Variants in HYDIN observed in about 807,000 individuals in gnomAD.
The protein encoded by HYDIN is axonemal central pair apparatus protein HYDIN.
HYDIN carries 132 observed loss-of-function variants against 403.9 expected under a neutral mutation model. The observed-to-expected ratio is 0.33, with a 90% CI of 0.28 to 0.38. The LOEUF is 0.38. HYDIN is among the 10% of genes least tolerant of loss of function. The probability of loss-of-function intolerance (pLI) is 1.00; values close to 1 mark genes in which losing one functional copy is unlikely to be tolerated. For missense variants in HYDIN, 2,827 were observed against 5,009.5 expected, an observed-to-expected ratio of 0.56 and a Z score of 13.15; for synonymous variants, 1,202 against 1,891.7, an observed-to-expected ratio of 0.64 and a Z score of 9.46.
At chr16:70,996,350 G>C (rs754611967) in intron 23 of HYDIN, among the ~76,000 whole-genome samples, 15 of 152,176 alleles carry the variant, frequency 9.9e-5, no homozygotes, top group Non-Finnish European at 2.2e-4. Context: ...AAGGAGCTAA[G>C]AGGCCAGTGG....
intron 30 of HYDIN, among the ~76,000 whole-genome samples, chr16:70,976,804 A>G (rs1030733131): frequency 6.6e-6 from 1 of 152,248 alleles, no homozygotes; most frequent in Non-Finnish European, 1.5e-5. Flanking sequence ...GGGAGTGATA[A>G]TGGAAAAGGT....
intron 21 of HYDIN, among the ~76,000 whole-genome samples, chr16:71,022,267 A>T (rs1311205498): frequency 6.6e-6 from 1 of 152,200 alleles, no homozygotes; most frequent in Admixed American, 6.5e-5. Flanking sequence ...AAGCACAGAG[A>T]GGCCATTCTA....
intron 18 of HYDIN, among the ~76,000 whole-genome samples, chr16:71,033,992 G>A (rs964831): frequency 1.3e-5 from 2 of 152,262 alleles, no homozygotes; most frequent in East Asian, 1.9e-4. Flanking sequence ...GGATAATAAC[G>A]GAGAGGAAAA....
rs778386833 is a variant in HYDIN at position 70,833,878 on chromosome 16, C to T, written c.13679+9G>A. ...GGCAGCCTCAGGGTGGGAGACACTG[C>T]TCCCTTACCTTGCACCCACATCGCC... On this transcript the variant is annotated intron_variant, in intron 79 of 85. Coordinates refer to ENST00000393567, the MANE Select transcript of HYDIN (RefSeq NM_001270974.2). 3.1e-6 allele frequency: 5 copies of T among 1,605,160 alleles called. No homozygotes were observed. The highest frequency in any genetic ancestry group is 3.4e-5 in the Admixed American group (2 of 59,140).
intron 28 of HYDIN, among the ~76,000 whole-genome samples, chr16:70,981,930 T>C (rs1283943952): frequency 6.6e-6 from 1 of 151,938 alleles, no homozygotes; most frequent in African/African-American, 2.4e-5. Flanking sequence ...AGATCGAGAC[T>C]ATCCTGGCTA....
chr16:71,108,283 G>A lies in HYDIN; in HGVS notation c.1327+7413C>T, dbSNP rs527302011. On this transcript the variant is annotated intron_variant, in intron 10 of 85. Transcript: ENST00000393567. The stretch of plus-strand genomic sequence containing the variant: ...AAAACAAAACTGCACACGTACCCCT[G>A]AACCTAAAAGTTAATTTTTTGTTTA... Among the ~76,000 whole-genome samples the A allele has an allele frequency of 5.3e-5, 8 of 152,176 alleles. No individual in the cohort carries two copies. In the South Asian group the frequency reaches 1.5e-3, roughly 28 times the overall value.
chr16:70,900,520 C>G (rs2502695), intron 53 of HYDIN, among the ~76,000 whole-genome samples: 68,689 of 131,954 alleles, frequency 0.52, 20,400 homozygotes, highest in Non-Finnish European at 0.69. Context: ...AAATTAGCAA[C>G]CTTTGTTGGA....
rs1380140068 is a variant in HYDIN at position 70,840,095 on chromosome 16, C to G, written c.13012G>C (p.Val4338Leu). The G allele has an allele frequency of 3.7e-6, 3 of 815,232 alleles. No homozygotes were observed. Among genetic ancestry groups the G allele is most frequent in the Admixed American group, 5.2e-5 (2 of 38,370 alleles). 50.5% of individuals were successfully genotyped at this position (815,232 alleles called of 1,614,324 possible). A position where few individuals can be genotyped will look rare whatever the true frequency, so the allele number is the denominator to read the frequency against. Residue 4338 changes from valine (V) to leucine (L), a missense_variant, in exon 76 of 86, where the codon GTA becomes CTA. Val to Leu is a conservative substitution (Grantham distance 32, BLOSUM62 1). Coordinates refer to ENST00000393567, the MANE Select transcript of HYDIN (RefSeq NM_001270974.2). Reference protein sequence around the residue: ...AGMPPYKQTLVITNKEETPMS... With the variant: ...AGMPPYKQTLLITNKEETPMS... ...GGTGTTTCTTCCTTGTTGGTAATTACCAGGGTTTGTTTGTATGGGGGCATC... is the reference window on the plus strand; with the variant it reads ...GGTGTTTCTTCCTTGTTGGTAATTAGCAGGGTTTGTTTGTATGGGGGCATC...
intron 23 of HYDIN, among the ~76,000 whole-genome samples, chr16:71,017,068 G>A (rs990866318): frequency 1.2e-4 from 19 of 152,184 alleles, no homozygotes; most frequent in African/African-American, 3.9e-4. Context: ...GGCTGGGTAC[G>A]GTGGCCCACA....
intron 9 of HYDIN, among the ~76,000 whole-genome samples, chr16:71,125,378 T>G (rs2084414947): frequency 6.6e-6 from 1 of 152,224 alleles, no homozygotes; most frequent in Admixed American, 6.5e-5. Context: ...CGTCATCATT[T>G]ATTGATTTAA....
At chr16:70,899,246 T>C (rs983553285) in intron 53 of HYDIN, among the ~76,000 whole-genome samples, 10 of 151,120 alleles carry the variant, frequency 6.6e-5, no homozygotes, top group African/African-American at 2.4e-4. Context: ...ATGACCTTAT[T>C]TGGAAAAAAG....
chr16:71,186,446 T>G (rs1246737624), intron 2 of HYDIN, among the ~76,000 whole-genome samples: 1 of 152,186 alleles, frequency 6.6e-6, no homozygotes, highest in Admixed American at 6.5e-5. Context: ...TATTTGACTG[T>G]TTTTGAACTA....
At chr16:71,022,838 G>A (rs1263514254) in intron 21 of HYDIN, among the ~76,000 whole-genome samples, 1 of 150,442 alleles carries the variant, frequency 6.6e-6, no homozygotes, top group Non-Finnish European at 1.5e-5. Flanking sequence ...TTCCAAATAT[G>A]TACATATTTT....
intron 39 of HYDIN, among the ~76,000 whole-genome samples, chr16:70,956,725 G>A (rs1319687942): frequency 1.3e-5 from 2 of 152,148 alleles, no homozygotes; most frequent in Admixed American, 1.3e-4. Context: ...GAAACGGATT[G>A]TCCCCCAGAT....
intron 43 of HYDIN, among the ~76,000 whole-genome samples, chr16:70,940,812 T>C (rs1429160914): frequency 6.6e-6 from 1 of 152,236 alleles, no homozygotes; most frequent in African/African-American, 2.4e-5. Flanking sequence ...ATGATTTGAC[T>C]AGATAGTGTT....
rs2041526627 is a variant in HYDIN at position 70,892,442 on chromosome 16, T to G, written c.9336A>C (p.Thr3112=). ...VQPKKGSLTP[T]EKPTNVQVFF... ...AAACTTGGACATTTGTGGGTTTTTCTGTTGGGGTCAGTGAACCCTTTTTGG... is the reference window on the plus strand; with the variant it reads ...AAACTTGGACATTTGTGGGTTTTTCGGTTGGGGTCAGTGAACCCTTTTTGG... Residue 3112 remains threonine, a synonymous_variant, in exon 56 of 86, where the codon ACA becomes ACC. Coordinates refer to ENST00000393567, the MANE Select transcript of HYDIN (RefSeq NM_001270974.2). The G allele has an allele frequency of 6.2e-7, 1 of 1,605,812 alleles. No individual in the cohort carries two copies. Among genetic ancestry groups the G allele is most frequent in the African/African-American group, 1.3e-5 (1 of 74,328 alleles).
chr16:71,026,941 G>A (rs202101258), intron 20 of HYDIN, among the ~76,000 whole-genome samples: 2 of 152,170 alleles, frequency 1.3e-5, no homozygotes, highest in African/African-American at 2.4e-5. Flanking sequence ...GCATTTTGTC[G>A]GGAGGGAGAG....
At chr16:71,186,657 A>C in intron 2 of HYDIN, 104 bp downstream of exon 2, 1 of 846,974 alleles carries the variant, frequency 1.2e-6, no homozygotes, top group Non-Finnish European at 1.9e-6. Context: ...GATATTAATC[A>C]GTCAGTAATT....
chr16:70,943,851 C>T lies in HYDIN; in HGVS notation c.6630G>A (p.Pro2210=), dbSNP rs534624061. ...CCAGGATCTGCACGAGAAGTTCATC[C>T]GGGAGCACACAGCTCATCAGCCCGG... ...GETGLMSCVL[P]DELLVQILAE... Residue 2210 remains proline, a synonymous_variant, in exon 42 of 86, where the codon CCG becomes CCA. Transcript: ENST00000393567. The T allele has an allele frequency of 2.2e-5, 35 of 1,613,546 alleles. 1 individual carries two copies. The highest frequency in any genetic ancestry group is 8.8e-5 in the South Asian group (8 of 91,070).
Sources: gnomAD v4.1 joint callset for allele counts (sites outside exome capture counted in the v4.1 genomes callset) on GRCh38, gnomAD v4.1.1 for gene constraint, MANE v1.5 for transcripts, NCBI Gene and HGNC (gene_info 2026-07-23, HGNC 2026-07-21) for gene names.